NBAS: variants seen among roughly 807,000 people sequenced by gnomAD.
NBAS encodes the protein NBAS subunit of NRZ tethering complex.
A neutral mutation model predicts 302.5 loss-of-function variants in NBAS; 219 were observed. The observed-to-expected ratio is 0.72, with a 90% CI of 0.65 to 0.81. The LOEUF is 0.81. Ranked by LOEUF, NBAS falls within the 30% of genes least tolerant of loss-of-function variation. The pLI is 0.00. For missense variants in NBAS, 2,932 were observed against 2,841.6 expected (o/e 1.03, Z -0.72); for synonymous variants, 1,118 against 1,021.6 (o/e 1.09, Z -1.80).
the NBAS span, among the ~76,000 whole-genome samples, chr2:15,129,201 G>T: frequency 6.6e-5 from 10 of 152,220 alleles, no homozygotes; most frequent in African/African-American, 2.2e-4. Flanking sequence ...CCCCGTAAGG[G>T]TGCTTGCATG....
chr2:14,991,621 G>A, the NBAS span, among the ~76,000 whole-genome samples: 1 of 152,164 alleles, frequency 6.6e-6, no homozygotes, highest in South Asian at 2.1e-4. Flanking sequence ...AACTCTGGAG[G>A]TGTGGTCCAC....
intron 34 of NBAS, among the ~76,000 whole-genome samples, chr2:15,352,818 C>T (rs553132366): frequency 7.2e-5 from 11 of 152,278 alleles, no homozygotes; most frequent in African/African-American, 2.4e-4. Context: ...TATCAGGAAG[C>T]TGCTGATCAC....
At chr2:14,894,824 T>G in the NBAS span, among the ~76,000 whole-genome samples, 1 of 151,846 alleles carries the variant, frequency 6.6e-6, no homozygotes, top group Non-Finnish European at 1.5e-5. Flanking sequence ...TTTGGGAGGC[T>G]GAGGTGGGCG....
At chr2:14,850,987 A>C in the NBAS span, among the ~76,000 whole-genome samples, 872 of 133,160 alleles carry the variant, frequency 6.5e-3, 6 homozygotes, top group Admixed American at 0.012. Flanking sequence ...GGAAAGATCC[A>C]AAATTGACAC....
the NBAS span, among the ~76,000 whole-genome samples, chr2:14,896,671 G>A: frequency 6.6e-5 from 10 of 151,950 alleles, no homozygotes; most frequent in South Asian, 2.1e-4. Context: ...AGCTGCTACC[G>A]CCTTCTTTCT....
At chr2:15,394,422 G>A in intron 27 of NBAS, 73 bp from the exon 28 acceptor site, 1 of 1,529,756 alleles carries the variant, frequency 6.5e-7, no homozygotes, top group Middle Eastern at 1.7e-4. Flanking sequence ...AGGCATAGAG[G>A]TAGCCCTTCA....
At chr2:15,178,951 A>C (rs1664687255) in intron 51 of NBAS, 37 bp downstream of exon 51, 1 of 1,612,934 alleles carries the variant, frequency 6.2e-7, no homozygotes, top group East Asian at 2.2e-5. Context: ...AACATTAAAA[A>C]AAAAAAAAGA....
intron 48 of NBAS, among the ~76,000 whole-genome samples, chr2:15,198,808 C>T (rs1000437714): frequency 2.0e-5 from 3 of 152,134 alleles, no homozygotes; most frequent in African/African-American, 7.2e-5. Flanking sequence ...TATGTGCATA[C>T]TATAGCTAAT....
At chr2:15,338,703 ACACACAC>A (rs1293704799) in intron 35 of NBAS, among the ~76,000 whole-genome samples, 10 of 151,504 alleles carry the variant, frequency 6.6e-5, no homozygotes, top group Non-Finnish European at 1.3e-4. Flanking sequence ...ACACACACAC[ACACACAC>A]ATCAAATTAG....
At chr2:15,161,608 G>A in the NBAS span, among the ~76,000 whole-genome samples, 5 of 152,278 alleles carry the variant, frequency 3.3e-5, no homozygotes, top group South Asian at 4.1e-4. Context: ...TTCTGTCCTG[G>A]CTACACGGTG....
chr2:15,005,156 C>T, the NBAS span, among the ~76,000 whole-genome samples: 1,084 of 152,188 alleles, frequency 7.1e-3, 10 homozygotes, highest in African/African-American at 0.024. Flanking sequence ...CAAAACCTAC[C>T]ACCTTAACAG....
chr2:15,040,221 T>G, the NBAS span, among the ~76,000 whole-genome samples: 1 of 152,168 alleles, frequency 6.6e-6, no homozygotes, highest in Non-Finnish European at 1.5e-5. Context: ...GTTCCTATTG[T>G]GTGTCAGACA....
intron 35 of NBAS, among the ~76,000 whole-genome samples, chr2:15,335,773 T>A (rs188322443): frequency 4.6e-5 from 7 of 152,320 alleles, no homozygotes; most frequent in Non-Finnish European, 8.8e-5. Flanking sequence ...TTACTCTGTA[T>A]ATTACATTTT....
Position 15,558,561 on chromosome 2 carries a change from A to G in NBAS, c.172+19T>C, listed in dbSNP as rs1471268108. ...ACTGTTAACCATATCATTACTGTAG[A>G]GAAATAAGCTATATTTACCTCGAAT... On this transcript the variant is annotated intron_variant, in intron 2 of 51. Transcript: ENST00000281513. 6.2e-7 allele frequency: 1 copy of G among 1,605,626 alleles called. No individual in the cohort carries two copies. Among genetic ancestry groups the G allele is most frequent in the Non-Finnish European group, 8.5e-7 (1 of 1,173,848 alleles).
the NBAS span, among the ~76,000 whole-genome samples, chr2:14,918,517 T>C: frequency 3.0e-3 from 462 of 152,324 alleles, 2 homozygotes; most frequent in African/African-American, 0.011. Flanking sequence ...GAAGGGATTG[T>C]ACAGAGGCAA....
At chr2:15,074,638 TATATA>T in the NBAS span, among the ~76,000 whole-genome samples, 9 of 151,908 alleles carry the variant, frequency 5.9e-5, no homozygotes, top group African/African-American at 2.2e-4. Context: ...AATATAGTTC[TATATA>T]ATATAACTAT....
intron 15 of NBAS, 71 bp from the exon 16 acceptor site, chr2:15,473,418 A>G (rs1354450735): frequency 2.0e-5 from 32 of 1,567,362 alleles, no homozygotes; most frequent in Non-Finnish European, 2.6e-5. Flanking sequence ...TGATGATACA[A>G]TGAATGATGA....
chr2:15,145,824 G>A, the NBAS span, among the ~76,000 whole-genome samples: 42 of 152,152 alleles, frequency 2.8e-4, no homozygotes, highest in Non-Finnish European at 5.1e-4. Flanking sequence ...CTGGGGTGGG[G>A]GGCCCAGAAC....
At chr2:15,159,355 G>T in the NBAS span, among the ~76,000 whole-genome samples, 1 of 152,174 alleles carries the variant, frequency 6.6e-6, no homozygotes, top group Admixed American at 6.5e-5. Context: ...ATAGATGAAG[G>T]TTATGAACGA....
Sources: gnomAD v4.1 joint callset for allele counts (sites outside exome capture counted in the v4.1 genomes callset) on GRCh38, gnomAD v4.1.1 for gene constraint, MANE v1.5 for transcripts, NCBI Gene and HGNC (gene_info 2026-07-23, HGNC 2026-07-21) for gene names.